The following CADM2 variants were observed in gnomAD, a reference collection of about 807,000 sequenced individuals.
CADM2 encodes the protein cell adhesion molecule 2, also known as immunoglobulin superfamily member 4D.
A neutral mutation model predicts 49.8 loss-of-function variants in CADM2; 12 were observed. The ratio of observed to expected loss-of-function variants is 0.24; its 90% CI spans 0.15 to 0.39. The LOEUF (loss-of-function observed/expected upper bound fraction) is 0.39. CADM2 is among the 10% of genes least tolerant of loss of function. The pLI is 1.00. For synonymous variants in CADM2, 214 were observed against 175.4 expected (o/e 1.22, Z -1.74); for missense variants, 378 against 492.3 (o/e 0.77, Z 2.20).
At chr3:86,013,535 A>T in intron 8 of CADM2, 1 of 1,605,308 alleles carries the variant, frequency 6.2e-7, no homozygotes, top group East Asian at 2.2e-5. Context: ...TTTCTTCAAA[A>T]ACACAGCAGA....
chr3:85,994,579 T>G (rs1729143370), intron 8 of CADM2: 2 of 152,208 alleles, frequency 1.3e-5, no homozygotes, highest in Non-Finnish European at 2.9e-5. Context: ...TCAGCATGCC[T>G]TCCTCACTAA....
intron 2 of CADM2, among the ~76,000 whole-genome samples, chr3:85,735,835 C>T (rs1042477259): frequency 4.0e-5 from 6 of 151,660 alleles, no homozygotes; most frequent in Non-Finnish European, 5.9e-5. Context: ...AACAAAATAA[C>T]GACAGCTCAG....
chr3:85,118,518 C>A (rs908901326), intron 1 of CADM2, among the ~76,000 whole-genome samples: 42 of 152,024 alleles, frequency 2.8e-4, no homozygotes, highest in African/African-American at 1.0e-3. Flanking sequence ...GGGAACTCCC[C>A]TTTATAAAGC....
chr3:85,192,993 A>C (rs185108627), intron 1 of CADM2, among the ~76,000 whole-genome samples: 2 of 152,236 alleles, frequency 1.3e-5, no homozygotes, highest in Admixed American at 1.3e-4. Flanking sequence ...GATTTAAGAG[A>C]TGCAGAAGCT....
At chr3:85,775,520 A>C (rs754179301) in intron 2 of CADM2, among the ~76,000 whole-genome samples, 6 of 151,830 alleles carry the variant, frequency 4.0e-5, no homozygotes, top group Non-Finnish European at 5.9e-5. Context: ...TGAAAATCAA[A>C]ATCCACTCGG....
chr3:85,912,343 C>T, intron 5 of CADM2, 30 bp from the exon 6 acceptor site: 1 of 1,543,500 alleles, frequency 6.5e-7, no homozygotes, highest in Non-Finnish European at 8.8e-7. Context: ...TGAAAGGTGT[C>T]ACATTTTAAA....
chr3:85,653,427 A>G (rs1429126271), intron 1 of CADM2, among the ~76,000 whole-genome samples: 1 of 150,762 alleles, frequency 6.6e-6, no homozygotes, highest in African/African-American at 2.4e-5. Flanking sequence ...GGATTAGTTA[A>G]TAGCTTGGTT....
chr3:85,279,643 C>G (rs1305564529), intron 1 of CADM2, among the ~76,000 whole-genome samples: 1 of 151,002 alleles, frequency 6.6e-6, no homozygotes, highest in Non-Finnish European at 1.5e-5. Flanking sequence ...TATTGACTAC[C>G]AATTTTTTTA....
intron 8 of CADM2, among the ~76,000 whole-genome samples, chr3:86,023,392 G>GT (rs1229989418): frequency 8.3e-6 from 1 of 120,498 alleles, no homozygotes; most frequent in East Asian, 2.4e-4. Context: ...GTTTTGTTTT[G>GT]TTTTTTTGAG....
chr3:85,313,447 T>G (rs1027841100), intron 1 of CADM2, among the ~76,000 whole-genome samples: 12 of 152,236 alleles, frequency 7.9e-5, no homozygotes, highest in African/African-American at 2.4e-4. Flanking sequence ...ATTATTTTGT[T>G]GTTGCTGTTT....
rs189682800 is a variant in CADM2 at position 85,795,733 on chromosome 3, T to C, written c.89-6314T>C. 3.2e-3 allele frequency among the ~76,000 whole-genome samples: 489 copies of C among 152,346 alleles called. 1 individual carries two copies. Among genetic ancestry groups the C allele is most frequent in the Non-Finnish European group, 5.2e-3 (356 of 68,032 alleles). On this transcript the variant is annotated intron_variant, in intron 2 of 9. Coordinates refer to ENST00000383699, the MANE Select transcript of CADM2 (RefSeq NM_001167675.2). ...GGACAGTTAGTTATCAAAAATACGTTATCAAGAGGATAAGATATTTAAGAA... is the reference window on the plus strand; with the variant it reads ...GGACAGTTAGTTATCAAAAATACGTCATCAAGAGGATAAGATATTTAAGAA...
At chr3:85,344,330 G>A (rs918870136) in intron 1 of CADM2, among the ~76,000 whole-genome samples, 2 of 151,484 alleles carry the variant, frequency 1.3e-5, no homozygotes, top group South Asian at 2.1e-4. Context: ...ACAGTGAGCA[G>A]AGATTGCGCC....
intron 1 of CADM2, among the ~76,000 whole-genome samples, chr3:84,983,528 C>G (rs891019721): frequency 1.3e-5 from 2 of 152,016 alleles, no homozygotes; most frequent in African/African-American, 4.8e-5. Flanking sequence ...CTGCATATTG[C>G]AGGGAAAGCT....
chr3:86,060,895 T>C (rs946950283), intron 8 of CADM2, among the ~76,000 whole-genome samples: 4 of 151,938 alleles, frequency 2.6e-5, no homozygotes, highest in Non-Finnish European at 5.9e-5. Context: ...GGCAGGAGAA[T>C]CATCTGAACC....
At chr3:84,983,295 A>G (rs1283793557) in intron 1 of CADM2, among the ~76,000 whole-genome samples, 3 of 151,446 alleles carry the variant, frequency 2.0e-5, no homozygotes, top group Non-Finnish European at 4.4e-5. Context: ...TGTAAGTGTT[A>G]TGCTAAAAAT....
intron 1 of CADM2, among the ~76,000 whole-genome samples, chr3:85,637,828 A>G (rs1182021130): frequency 6.6e-6 from 1 of 152,058 alleles, no homozygotes; most frequent in East Asian, 1.9e-4. Flanking sequence ...CCTCCAGGAA[A>G]AAATAATATA....
intron 2 of CADM2, among the ~76,000 whole-genome samples, chr3:85,768,609 T>A (rs1483269512): frequency 6.7e-6 from 1 of 148,548 alleles, no homozygotes; most frequent in East Asian, 1.9e-4. Flanking sequence ...TAGTAAAAAA[T>A]CATAATTTAC....
At chr3:85,960,809 C>A (rs1473472612) in intron 7 of CADM2, among the ~76,000 whole-genome samples, 1 of 151,544 alleles carries the variant, frequency 6.6e-6, no homozygotes, top group East Asian at 2.0e-4. Context: ...ATGAGAAAAG[C>A]AGCAGAGGTG....
chr3:85,969,912 T>C (rs1274735626), intron 8 of CADM2, among the ~76,000 whole-genome samples: 1 of 150,572 alleles, frequency 6.6e-6, no homozygotes, highest in East Asian at 2.0e-4. Flanking sequence ...CATACCCATA[T>C]CTACATATAT....
Sources: allele counts gnomAD v4.1 joint callset (sites outside exome capture counted in the v4.1 genomes callset), GRCh38; gene constraint gnomAD v4.1.1; transcripts MANE v1.5; gene names NCBI Gene and HGNC (gene_info 2026-07-23, HGNC 2026-07-21).